CBY2: variants seen among roughly 807,000 people sequenced by gnomAD.
CBY2 encodes chibby family member 2.
CBY2 carries 23 observed loss-of-function variants against 25.3 expected under a neutral mutation model. That is an observed-to-expected ratio of 0.91 (90% CI 0.65 to 1.29). The LOEUF (loss-of-function observed/expected upper bound fraction) is 1.29, where lower values mean the gene tolerates loss of function less well. CBY2 is among the 50% of genes most tolerant of loss of function. The probability of loss-of-function intolerance (pLI) is 0.00; values close to 1 mark genes in which losing one functional copy is unlikely to be tolerated. For missense variants in CBY2, 642 were observed against 590.7 expected (o/e 1.09, Z -0.90); for synonymous variants, 279 against 260.2 (o/e 1.07, Z -0.70).
chr13:45,703,220 G>A (rs1950221198), intron 2 of CBY2: 2 of 1,257,822 alleles, frequency 1.6e-6, no homozygotes, highest in Non-Finnish European at 2.0e-6. Context: ...ACTGGGACTT[G>A]AAATCAAATG....
At chr13:45,705,592 G>A (rs184225641) in intron 2 of CBY2, among the ~76,000 whole-genome samples, 9 of 152,298 alleles carry the variant, frequency 5.9e-5, no homozygotes, top group East Asian at 5.8e-4. Flanking sequence ...TGCTGTTAAC[G>A]TTGTAATTCT....
At chr13:45,703,212 T>C in intron 2 of CBY2, 2 of 1,257,168 alleles carry the variant, frequency 1.6e-6, no homozygotes, top group Non-Finnish European at 2.0e-6. Flanking sequence ...GAATTAGAAC[T>C]GGGACTTGAA....
At chr13:45,703,825 TC>T (rs1950224989) in intron 2 of CBY2, among the ~76,000 whole-genome samples, 1 of 152,154 alleles carries the variant, frequency 6.6e-6, no homozygotes, top group Admixed American at 6.5e-5. Context: ...TAAGATAACT[TC>T]CCCCTGATCA....
intron 2 of CBY2, among the ~76,000 whole-genome samples, chr13:45,708,998 T>G (rs893484211): frequency 1.3e-5 from 2 of 151,994 alleles, no homozygotes; most frequent in African/African-American, 4.8e-5. Context: ...AGTTGGCCAT[T>G]TAGGGGAGAG....
Position 45,714,379 on chromosome 13 carries a change from G to A in CBY2, c.*7G>A, listed in dbSNP as rs1425865650. 1 of 1,576,210 alleles carries A rather than the reference G, an allele frequency of 6.3e-7. No individual in the cohort carries two copies. Among genetic ancestry groups the A allele is most frequent in the Non-Finnish European group, 8.6e-7 (1 of 1,159,784 alleles). ...GAAGCCTAGCAGGGTCTGAGGCCTCGGCCTTGCACCGGGACGCCGAGTTTG... is the reference window on the plus strand; with the variant it reads ...GAAGCCTAGCAGGGTCTGAGGCCTCAGCCTTGCACCGGGACGCCGAGTTTG... On this transcript the variant is annotated 3_prime_UTR_variant, in exon 3 of 3. Transcript: ENST00000310521.
At position 45,713,990 on chromosome 13, in the gene CBY2, A is replaced by AGGAG. The variant is rs1950295183; in HGVS notation, c.966_969dup (p.Leu324GlyfsTer93). 4 of 1,506,604 alleles carry AGGAG rather than the reference A, an allele frequency of 2.7e-6. 1 individual carries two copies. The South Asian group carries it at 3.7e-5, about 14-fold the overall frequency. The allele number at this position is 1,506,604 out of a possible 1,614,324, so 93.3% of individuals were successfully genotyped here. ...CCTCCGGCCCGGCAGGAGGACTCCA[A>AGGAG]GGAGCTGCGCGCCCTGCGGAAGATG... On this transcript the variant is annotated frameshift_variant, in exon 3 of 3. Transcript: ENST00000310521. LOFTEE classifies it high-confidence loss of function. The surrounding 1 kb of genome is among the most constrained non-coding windows in gnomAD (Gnocchi z 5.0).
intron 2 of CBY2, among the ~76,000 whole-genome samples, chr13:45,706,693 C>T (rs1448525098): frequency 4.6e-5 from 7 of 152,104 alleles, no homozygotes; most frequent in Non-Finnish European, 5.9e-5. Flanking sequence ...CTTAGGAGAA[C>T]ATTACTGGGG....
Position 45,714,102 on chromosome 13 carries a change from G to C in CBY2, c.1077G>C (p.Leu359=). The C allele has an allele frequency of 1.3e-6, 2 of 1,557,148 alleles. No homozygotes were observed. The highest frequency in any genetic ancestry group is 1.2e-5 in the South Asian group (1 of 84,658). Reference sequence around the variant, plus strand: ...ACGGCTGCCAGCCCCTGCAGCTGCTGAGAGAGATGAGGCAGGCGCTGCAGG... The same window carrying C: ...ACGGCTGCCAGCCCCTGCAGCTGCTCAGAGAGATGAGGCAGGCGCTGCAGG... The part of the protein sequence containing the change: ...LPDGCQPLQL[L]REMRQALQAL... Residue 359 remains leucine, a synonymous_variant, in exon 3 of 3, where the codon CTG becomes CTC. Coordinates refer to ENST00000310521, the MANE Select transcript of CBY2 (RefSeq NM_152719.3).
chr13:45,703,055 T>C (rs2137498900), intron 2 of CBY2, 200 bp downstream of exon 2: 1 of 1,302,442 alleles, frequency 7.7e-7, no homozygotes, highest in East Asian at 2.7e-5. Context: ...CTTTTTCCCA[T>C]GAATGAGGTG....
chr13:45,710,783 C>T (rs1950265689), intron 2 of CBY2, among the ~76,000 whole-genome samples: 1 of 151,310 alleles, frequency 6.6e-6, no homozygotes, highest in Admixed American at 6.6e-5. Flanking sequence ...TGCCCTCATA[C>T]CCTTGCTATC....
chr13:45,703,931 G>C (rs1950225779), intron 2 of CBY2, among the ~76,000 whole-genome samples: 1 of 152,162 alleles, frequency 6.6e-6, no homozygotes, highest in African/African-American at 2.4e-5. Context: ...TCCCCCAAGA[G>C]TGGGTGTTAC....
chr13:45,703,657 T>C, intron 2 of CBY2: 1 of 1,347,882 alleles, frequency 7.4e-7, no homozygotes, highest in Non-Finnish European at 1.0e-6. Flanking sequence ...GGGCATTCCA[T>C]ATATATAATT....
Position 45,703,320 on chromosome 13 carries a change from A to G in CBY2, c.156+465A>G, listed in dbSNP as rs1009609131. 6 of 1,394,246 alleles carry G rather than the reference A, an allele frequency of 4.3e-6. No individual in the cohort carries two copies. The African/African-American group carries it at 5.8e-5, about 14-fold the overall frequency. 86.4% of individuals were successfully genotyped at this position (1,394,246 alleles called of 1,614,324 possible). A position where few individuals can be genotyped will look rare whatever the true frequency, so the allele number is the denominator to read the frequency against. ...GCTGTCAAGAGAATTAAGCCCTGCT[A>G]TGCATCAAAGACAGATGTAGGGGCC... On this transcript the variant is annotated intron_variant, in intron 2 of 2. Transcript: ENST00000310521.
chr13:45,703,871 G>A (rs190189453), intron 2 of CBY2, among the ~76,000 whole-genome samples: 1 of 152,082 alleles, frequency 6.6e-6, no homozygotes, highest in East Asian at 1.9e-4. Context: ...AATCTTTTTG[G>A]GCCTGATTCT....
At position 45,704,505 on chromosome 13, in the gene CBY2, G is replaced by T. The variant is rs1016927151; in HGVS notation, c.156+1650G>T. ...TCAAGACTGGCACTCTGGGGGATGG[G>T]TGTGGGTGTCTACAACTAGATGATC... On this transcript the variant is annotated intron_variant, in intron 2 of 2. Transcript: ENST00000310521. The surrounding 1 kb of genome is among the most constrained non-coding windows in gnomAD (Gnocchi z 4.1). Among the ~76,000 whole-genome samples the T allele has an allele frequency of 2.0e-5, 3 of 152,210 alleles. No homozygotes were observed. Among genetic ancestry groups the T allele is most frequent in the African/African-American group, 7.2e-5 (3 of 41,456 alleles).
At chr13:45,707,121 G>A (rs748597885) in intron 2 of CBY2, among the ~76,000 whole-genome samples, 1 of 152,268 alleles carries the variant, frequency 6.6e-6, no homozygotes, top group African/African-American at 2.4e-5. Context: ...ACTTTCTCAA[G>A]AGCAGTCAAA....
At chr13:45,707,420 A>G (rs978768514) in intron 2 of CBY2, among the ~76,000 whole-genome samples, 2 of 152,228 alleles carry the variant, frequency 1.3e-5, no homozygotes, top group African/African-American at 2.4e-5. Context: ...CACTAACTAT[A>G]TTAAGGCAAA....
chr13:45,712,443 C>T (rs899668095), intron 2 of CBY2, among the ~76,000 whole-genome samples: 7 of 152,196 alleles, frequency 4.6e-5, no homozygotes, highest in Non-Finnish European at 8.8e-5. Flanking sequence ...TTATTATTCA[C>T]GGATTCCATA....
intron 2 of CBY2, among the ~76,000 whole-genome samples, chr13:45,712,694 T>TA (rs968347444): frequency 6.6e-6 from 1 of 152,184 alleles, no homozygotes; most frequent in Non-Finnish European, 1.5e-5. Flanking sequence ...ATTTTGCTGT[T>TA]AAAAATGGCT....
Sources: allele counts gnomAD v4.1 joint callset (sites outside exome capture counted in the v4.1 genomes callset), GRCh38; gene constraint gnomAD v4.1.1; non-coding constraint Gnocchi (gnomAD v3.1); transcripts MANE v1.5; gene names NCBI Gene and HGNC (gene_info 2026-07-23, HGNC 2026-07-21).